DNAH12: variants seen among roughly 807,000 people sequenced by gnomAD.
DNAH12 encodes dynein axonemal heavy chain 12, also known as axonemal beta dynein heavy chain 12.
DNAH12 carries 285 observed loss-of-function variants against 371.5 expected under a neutral mutation model. That is an observed-to-expected ratio of 0.77 (90% CI 0.70 to 0.85). The LOEUF (loss-of-function observed/expected upper bound fraction) is 0.85. Ranked by LOEUF, DNAH12 falls within the 40% of genes least tolerant of loss-of-function variation. The pLI, the probability that DNAH12 is intolerant of heterozygous loss-of-function variation, is 0.00. For synonymous variants in DNAH12, 1,200 were observed against 1,213.0 expected, an observed-to-expected ratio of 0.99 and a Z score of 0.22; for missense variants, 3,611 against 3,689.4, an observed-to-expected ratio of 0.98 and a Z score of 0.55.
chr3:57,523,910 C>T (rs1030882647), intron 2 of DNAH12, 26 bp from the exon 3 acceptor site: 7 of 1,497,954 alleles, frequency 4.7e-6, no homozygotes, highest in African/African-American at 1.4e-5. Flanking sequence ...AGAAATATGA[C>T]TCTCTTGATA....
intron 35 of DNAH12, among the ~76,000 whole-genome samples, chr3:57,424,114 C>G (rs924712651): frequency 4.6e-5 from 7 of 152,104 alleles, no homozygotes; most frequent in African/African-American, 1.4e-4. Context: ...ATTAATTCAC[C>G]TAATGTCCAA....
At chr3:57,322,659 G>A (rs1156344794) in intron 64 of DNAH12, among the ~76,000 whole-genome samples, 176 bp from the exon 65 acceptor site, 2 of 152,244 alleles carry the variant, frequency 1.3e-5, no homozygotes, top group Admixed American at 6.5e-5. Context: ...GCCAGGCGTG[G>A]TGGTGCATGC....
chr3:57,374,072 G>T (rs2063232497), intron 55 of DNAH12, among the ~76,000 whole-genome samples: 2 of 152,064 alleles, frequency 1.3e-5, no homozygotes, highest in African/African-American at 4.8e-5. Context: ...GGTTTTAAAG[G>T]CAGTGAGTGT....
chr3:57,364,867 C>G (rs902508314), intron 57 of DNAH12, among the ~76,000 whole-genome samples: 1 of 152,198 alleles, frequency 6.6e-6, no homozygotes, highest in African/African-American at 2.4e-5. Context: ...TGAAAACAAG[C>G]TCAACATCAC....
chr3:57,477,235 G>A (rs546307416), intron 13 of DNAH12, among the ~76,000 whole-genome samples: 18 of 152,278 alleles, frequency 1.2e-4, no homozygotes, highest in African/African-American at 2.6e-4. Context: ...CTAATAGTGC[G>A]CTTTTCCAAC....
At chr3:57,452,731 A>T (rs1294468692) in intron 25 of DNAH12, 112 bp downstream of exon 25, 26 of 1,023,442 alleles carry the variant, frequency 2.5e-5, no homozygotes, top group Non-Finnish European at 3.0e-5. Flanking sequence ...AGAATTCAGG[A>T]TTAGAAAGGG....
At chr3:57,528,738 A>C (rs111476134) in intron 2 of DNAH12, among the ~76,000 whole-genome samples, 1 of 151,724 alleles carries the variant, frequency 6.6e-6, no homozygotes, top group African/African-American at 2.4e-5. Flanking sequence ...AAAAAAAAAA[A>C]ACAATATTAA....
At chr3:57,299,534 T>G (rs543795998) in intron 70 of DNAH12, among the ~76,000 whole-genome samples, 1 of 152,004 alleles carries the variant, frequency 6.6e-6, no homozygotes, top group Admixed American at 6.5e-5. Context: ...GGAGAGAATG[T>G]GAAGATGCTA....
At chr3:57,325,378 G>C (rs530288153) in intron 62 of DNAH12, among the ~76,000 whole-genome samples, 66 of 152,288 alleles carry the variant, frequency 4.3e-4, no homozygotes, top group African/African-American at 1.4e-3. Context: ...GACAAAACTT[G>C]CAGAGGAACG....
chr3:57,430,955 A>C (rs915064827), intron 32 of DNAH12, among the ~76,000 whole-genome samples: 1 of 152,194 alleles, frequency 6.6e-6, no homozygotes, highest in Non-Finnish European at 1.5e-5. Context: ...TTTAAAATTC[A>C]GTTCTTCAAC....
At chr3:57,325,446 G>A (rs1374199644) in intron 62 of DNAH12, among the ~76,000 whole-genome samples, 1 of 152,228 alleles carries the variant, frequency 6.6e-6, no homozygotes, top group Non-Finnish European at 1.5e-5. Context: ...CACCTCTGCT[G>A]ATACCCAGGC....
At chr3:57,383,307 G>T (rs1273176101) in intron 49 of DNAH12, among the ~76,000 whole-genome samples, 1 of 152,026 alleles carries the variant, frequency 6.6e-6, no homozygotes, top group Admixed American at 6.6e-5. Context: ...AGGTAATACA[G>T]CATTTGATAT....
rs1410338137 is a variant in DNAH12 at position 57,309,266 on chromosome 3, G to C, written c.11086-12C>G. The C allele has an allele frequency of 6.6e-7, 1 of 1,524,838 alleles. No individual in the cohort carries two copies. The highest frequency in any genetic ancestry group is 8.8e-7 in the Non-Finnish European group (1 of 1,134,650). 94.5% of individuals were successfully genotyped at this position (1,524,838 alleles called of 1,614,324 possible). On this transcript the variant is annotated splice_polypyrimidine_tract_variant and intron_variant, in intron 68 of 73. Coordinates refer to ENST00000495027, the MANE Select transcript of DNAH12 (RefSeq NM_001366028.2). The stretch of plus-strand genomic sequence containing the variant: ...AAATCACTAGGGAGCTAAAAGAATA[G>C]ATTTTGAAGATCACAAATTATTCTC...
chr3:57,464,905 T>C (rs755561556), intron 17 of DNAH12, among the ~76,000 whole-genome samples: 24 of 152,342 alleles, frequency 1.6e-4, no homozygotes, highest in Non-Finnish European at 2.6e-4. Context: ...AACTACAATC[T>C]ACCAAAATTA....
chr3:57,293,983 AAAAG>A lies in DNAH12; in HGVS notation c.11693-16_11693-13del, dbSNP rs1473216042. 6 of 1,429,186 alleles carry A rather than the reference AAAAG, an allele frequency of 4.2e-6. No homozygotes were observed. The highest frequency in any genetic ancestry group is 3.1e-5 in the Admixed American group (1 of 32,280). The allele number at this position is 1,429,186 out of a possible 1,614,324, so 88.5% of individuals were successfully genotyped here. ...CCGAGATTTTTGAGCTTGAAAAAAA[AAAAG>A]AAATATATTCACTTGATAAAGGGAA... On this transcript the variant is annotated splice_polypyrimidine_tract_variant and intron_variant, in intron 73 of 73. Coordinates refer to ENST00000495027, the MANE Select transcript of DNAH12 (RefSeq NM_001366028.2).
chr3:57,547,549 G>A (rs1264106462), upstream of DNAH12, among the ~76,000 whole-genome samples: 2 of 152,032 alleles, frequency 1.3e-5, no homozygotes, highest in African/African-American at 4.8e-5. Flanking sequence ...AAATAATATT[G>A]CCATAAAACA....
intron 73 of DNAH12, among the ~76,000 whole-genome samples, 162 bp downstream of exon 73, chr3:57,295,363 A>C (rs2061211128): frequency 6.6e-6 from 1 of 152,198 alleles, no homozygotes; most frequent in African/African-American, 2.4e-5. Context: ...CATACACACA[A>C]AGAGATAATA....
chr3:57,329,845 T>G (rs1247436572), intron 62 of DNAH12, among the ~76,000 whole-genome samples: 1 of 152,088 alleles, frequency 6.6e-6, no homozygotes, highest in Non-Finnish European at 1.5e-5. Flanking sequence ...GAATCTACAA[T>G]GAACTCAAAC....
intron 16 of DNAH12, among the ~76,000 whole-genome samples, 182 bp downstream of exon 16, chr3:57,470,261 G>A (rs2066328523): frequency 6.6e-6 from 1 of 151,934 alleles, no homozygotes; most frequent in South Asian, 2.1e-4. Context: ...CTCAGATATT[G>A]TATTAGTAAG....
Sources: allele counts gnomAD v4.1 joint callset (sites outside exome capture counted in the v4.1 genomes callset), GRCh38; gene constraint gnomAD v4.1.1; transcripts MANE v1.5; gene names NCBI Gene and HGNC (gene_info 2026-07-23, HGNC 2026-07-21).